Variants in CHRM3 observed in about 807,000 individuals in gnomAD.
CHRM3 encodes the protein cholinergic receptor muscarinic 3.
Under a neutral mutation model 41.8 loss-of-function variants are expected in CHRM3, and 11 were observed. The ratio of observed to expected loss-of-function variants is 0.26; its 90% CI spans 0.17 to 0.44. The LOEUF is 0.44. Among genes scored for constraint, CHRM3 ranks in the 20% least tolerant of loss-of-function variants. CHRM3 has a pLI of 1.00. For missense variants in CHRM3, 571 were observed against 745.4 expected, an observed-to-expected ratio of 0.77 and a Z score of 2.72; for synonymous variants, 297 against 301.4, an observed-to-expected ratio of 0.99 and a Z score of 0.15.
intron 3 of CHRM3, chr1:239,629,662 T>C (rs566675903): frequency 6.6e-6 from 1 of 152,300 alleles, no homozygotes; most frequent in African/African-American, 2.4e-5. Flanking sequence ...TTTATTGTGG[T>C]GGTATGAAAC....
rs1371713609 is a variant in CHRM3 at position 239,748,890 on chromosome 1, A to C, written c.-147+70602A>C. Reference sequence around the variant, plus strand: ...TTAACTGGCTAGCTTTACTGAAGGAAAATGATTTCTGGGGCACACCAGCCC... The same window carrying C: ...TTAACTGGCTAGCTTTACTGAAGGACAATGATTTCTGGGGCACACCAGCCC... On this transcript the variant is annotated intron_variant, in intron 5 of 6. Transcript: ENST00000676153. This position sits in a 1 kb window ranked among gnomAD's most constrained non-coding sequence, Gnocchi z 4.3. 6.6e-6 allele frequency among the ~76,000 whole-genome samples: 1 copy of C among 152,214 alleles called. No homozygotes were observed. The highest frequency in any genetic ancestry group is 1.5e-5 in the Non-Finnish European group (1 of 68,036).
chr1:239,479,910 A>G (rs941577112), intron 1 of CHRM3, among the ~76,000 whole-genome samples: 6 of 152,204 alleles, frequency 3.9e-5, no homozygotes, highest in Admixed American at 3.3e-4. Context: ...TAGACATTAT[A>G]AACATTGTCT....
At chr1:239,874,849 C>A (rs1041229412) in intron 6 of CHRM3, among the ~76,000 whole-genome samples, 2 of 151,926 alleles carry the variant, frequency 1.3e-5, no homozygotes, top group African/African-American at 4.8e-5. Flanking sequence ...CAGGCATGCA[C>A]GACCACGCCG....
At chr1:239,668,077 T>C (rs1673990807) in intron 4 of CHRM3, among the ~76,000 whole-genome samples, 3 of 151,056 alleles carry the variant, frequency 2.0e-5, no homozygotes, top group Non-Finnish European at 4.4e-5. Context: ...TCTTTTCTTT[T>C]TTTTCCCCTT....
intron 3 of CHRM3, among the ~76,000 whole-genome samples, chr1:239,609,470 C>G (rs938008075): frequency 1.3e-5 from 2 of 152,122 alleles, no homozygotes; most frequent in African/African-American, 2.4e-5. Context: ...GCATACATGT[C>G]TATGTGTGGA....
intron 3 of CHRM3, among the ~76,000 whole-genome samples, chr1:239,586,718 A>T (rs190027990): frequency 6.6e-6 from 1 of 152,214 alleles, no homozygotes; most frequent in East Asian, 1.9e-4. Context: ...CTCAGGCAAA[A>T]AAAAGTGCTA....
intron 6 of CHRM3, among the ~76,000 whole-genome samples, chr1:239,841,896 A>G (rs529113686): frequency 2.6e-5 from 4 of 152,344 alleles, no homozygotes; most frequent in African/African-American, 9.6e-5. Flanking sequence ...GCAAAATTAA[A>G]TTATATAATA....
chr1:239,900,824 A>G (rs983865489), intron 6 of CHRM3, among the ~76,000 whole-genome samples: 6 of 152,170 alleles, frequency 3.9e-5, no homozygotes, highest in African/African-American at 1.4e-4. Context: ...ATTTACATGT[A>G]AAGTGTGTAT....
intron 1 of CHRM3, among the ~76,000 whole-genome samples, chr1:239,403,417 T>C (rs1660144914): frequency 6.6e-6 from 1 of 152,214 alleles, no homozygotes; most frequent in Admixed American, 6.5e-5. Flanking sequence ...TGTACCTTGA[T>C]GATGACAAAA....
At chr1:239,780,713 C>T (rs529419844) in intron 5 of CHRM3, among the ~76,000 whole-genome samples, 58 of 152,152 alleles carry the variant, frequency 3.8e-4, no homozygotes, top group Middle Eastern at 3.4e-3. Flanking sequence ...TTTTCTCCTT[C>T]GTTACGTTCT....
At chr1:239,718,859 T>G (rs1156929063) in intron 5 of CHRM3, 1 of 151,994 alleles carries the variant, frequency 6.6e-6, no homozygotes, top group Non-Finnish European at 1.5e-5. Context: ...TACGCAAGGC[T>G]GAAGAAGCAG....
intron 2 of CHRM3, among the ~76,000 whole-genome samples, chr1:239,530,032 G>A (rs139403973): frequency 0.03 from 4,515 of 151,962 alleles, 246 homozygotes; most frequent in African/African-American, 0.1. Flanking sequence ...CGAGTAGCTG[G>A]GACTGCAGGT....
At position 239,907,440 on chromosome 1, in the gene CHRM3, C is replaced by A; in HGVS notation, c.-12C>A. On this transcript the variant is annotated 5_prime_UTR_variant, in exon 7 of 7. The change creates a premature stop within an existing upstream ORF in the 5' untranslated region. Transcript: ENST00000676153. This position sits in a 1 kb window ranked among gnomAD's most constrained non-coding sequence, Gnocchi z 5.4. ...CTTCTCTCTTTCCCCCAGACTATGT[C>A]AGAGAGTCACAATGACCTTGCACAA... 1 of 1,604,778 alleles carries A rather than the reference C, an allele frequency of 6.2e-7. No homozygotes were observed.
intron 5 of CHRM3, among the ~76,000 whole-genome samples, chr1:239,699,380 T>C (rs1156320100): frequency 6.6e-6 from 1 of 152,136 alleles, no homozygotes; most frequent in African/African-American, 2.4e-5. Flanking sequence ...AGAGCCCTTA[T>C]AAGAAGAGAT....
intron 2 of CHRM3, among the ~76,000 whole-genome samples, chr1:239,520,519 A>C (rs1272234265): frequency 6.6e-6 from 1 of 152,022 alleles, no homozygotes; most frequent in East Asian, 1.9e-4. Flanking sequence ...TTCACCCTCC[A>C]CCATGACTGA....
chr1:239,454,054 C>G (rs1664752863), intron 1 of CHRM3, among the ~76,000 whole-genome samples: 1 of 151,968 alleles, frequency 6.6e-6, no homozygotes, highest in South Asian at 2.1e-4. Flanking sequence ...GGGAGTTTCC[C>G]CCAAGCACCA....
intron 3 of CHRM3, among the ~76,000 whole-genome samples, chr1:239,555,085 T>C (rs1372614085): frequency 1.3e-5 from 2 of 152,174 alleles, no homozygotes; most frequent in African/African-American, 4.8e-5. Context: ...GTAGGTGTTG[T>C]AGAATCTAAA....
chr1:239,635,335 A>C (rs184768667), intron 4 of CHRM3, among the ~76,000 whole-genome samples: 1 of 152,224 alleles, frequency 6.6e-6, no homozygotes, highest in African/African-American at 2.4e-5. Context: ...TCAAATCCAA[A>C]TGCATTAACA....
At chr1:239,393,335 A>T (rs1029129539) in intron 1 of CHRM3, among the ~76,000 whole-genome samples, 1 of 152,176 alleles carries the variant, frequency 6.6e-6, no homozygotes, top group Non-Finnish European at 1.5e-5. Flanking sequence ...CAATTTTCTT[A>T]GTGCAAAATA....
Sources: gnomAD v4.1 joint callset for allele counts (sites outside exome capture counted in the v4.1 genomes callset) on GRCh38, gnomAD v4.1.1 for gene constraint, Gnocchi (gnomAD v3.1) non-coding constraint, MANE v1.5 for transcripts, NCBI Gene and HGNC (gene_info 2026-07-23, HGNC 2026-07-21) for gene names.